The following PIGR variants were observed in gnomAD, a reference collection of about 807,000 sequenced individuals.
PIGR encodes polymeric immunoglobulin receptor, also known as hepatocellular carcinoma associated protein TB6.
Under a neutral mutation model 69.5 loss-of-function variants are expected in PIGR, and 22 were observed. That is an observed-to-expected ratio of 0.32 (90% CI 0.23 to 0.45). The LOEUF (loss-of-function observed/expected upper bound fraction) is 0.45, where lower values mean the gene tolerates loss of function less well. Among genes scored for constraint, PIGR ranks in the 20% least tolerant of loss-of-function variants. PIGR has a pLI of 1.00. For missense variants in PIGR, 885 were observed against 974.0 expected, an observed-to-expected ratio of 0.91 and a Z score of 1.22; for synonymous variants, 413 against 407.6, an observed-to-expected ratio of 1.01 and a Z score of -0.16.
At chr1:206,940,461 T>G (rs1489468881) in intron 2 of PIGR, 28 bp downstream of exon 2, 2 of 1,550,398 alleles carry the variant, frequency 1.3e-6, no homozygotes, top group South Asian at 2.4e-5. Flanking sequence ...GGGGTGGAGC[T>G]TGGAGAGTTG....
intron 1 of PIGR, among the ~76,000 whole-genome samples, chr1:206,944,039 G>A (rs1239575525): frequency 2.0e-5 from 3 of 152,184 alleles, no homozygotes; most frequent in African/African-American, 7.2e-5. Flanking sequence ...TAGGCCCTTA[G>A]CCACTCTGCT....
chr1:206,940,669 G>T, intron 1 of PIGR, 85 bp from the exon 2 acceptor site: 1 of 780,576 alleles, frequency 1.3e-6, no homozygotes, highest in Non-Finnish European at 2.0e-6. Context: ...CATCTATTTG[G>T]CTTTGTATCT....
chr1:206,945,385 C>T lies in PIGR; in HGVS notation c.-54+951G>A, dbSNP rs1392205320. ...AGGGATGGAGCTTGACCCGCTGCTG[C>T]CCTTGTGCCGGACGGTCCCACTGCT... On this transcript the variant is annotated intron_variant, in intron 1 of 10. Transcript: ENST00000356495. Among the ~76,000 whole-genome samples the T allele has an allele frequency of 2.6e-5, 4 of 152,300 alleles. No homozygotes were observed. The East Asian group carries it at 7.7e-4, about 29-fold the overall frequency.
chr1:206,932,068 C>T (rs1679764965), intron 8 of PIGR, among the ~76,000 whole-genome samples: 1 of 152,150 alleles, frequency 6.6e-6, no homozygotes, highest in South Asian at 2.1e-4. Context: ...ACATCAGCCC[C>T]GTGAGGTCCT....
rs867337599 is a variant in PIGR at position 206,931,536 on chromosome 1, C to G, written c.2160G>C (p.Glu720Asp). 2 of 1,614,090 alleles carry G rather than the reference C, an allele frequency of 1.2e-6. No homozygotes were observed. The highest frequency in any genetic ancestry group is 2.2e-5 in the East Asian group (1 of 44,878). ...GGKEEFVATTESTTETKEPKK... is the reference protein window; with the variant it reads ...GGKEEFVATTDSTTETKEPKK... ...TGGGTTCTTTGGTCTCTGTGGTGCT[C>G]TCAGTGGTGGCAACAAACTCTGTGT... Residue 720 changes from glutamate (E) to aspartate (D), a missense_variant, in exon 10 of 11, where the codon GAG becomes GAC. Coordinates refer to ENST00000356495, the MANE Select transcript of PIGR (RefSeq NM_002644.4).
At position 206,933,075 on chromosome 1, in the gene PIGR, A is replaced by G. The variant is rs764895900; in HGVS notation, c.1797T>C (p.Ile599=). Residue 599 remains isoleucine, a synonymous_variant, in exon 7 of 11, where the codon ATT becomes ATC. Transcript: ENST00000356495. ...SGFREIENKA[I]QDPRLFAEEK... is the part of the protein sequence containing the mutation. ...CCTCTGCAAAAAGCCTGGGATCCTG[A>G]ATGGCTTTGTTCTCAATCTCCCGAA... is the stretch of plus-strand genomic sequence containing the variant. 1.9e-6 allele frequency: 3 copies of G among 1,614,128 alleles called. No homozygotes were observed. In the Admixed American group the frequency reaches 5.0e-5, roughly 27 times the overall value.
At chr1:206,937,891 C>G (rs540238113) in intron 3 of PIGR, 140 bp from the exon 4 acceptor site, 5 of 721,538 alleles carry the variant, frequency 6.9e-6, no homozygotes, top group Non-Finnish European at 1.1e-5. Flanking sequence ...GGAATGCTGT[C>G]GGAAGGCCCA....
In PIGR at chr1:206,929,167, T is replaced by A. The variant is rs1289046381; in HGVS notation, c.*1151A>T. The A allele has an allele frequency of 1.3e-5, 2 of 151,368 alleles. No homozygotes were observed. Among genetic ancestry groups the A allele is most frequent in the African/African-American group, 4.9e-5 (2 of 41,126 alleles). The allele number at this position is 151,368 out of a possible 1,614,324, so 9.4% of individuals were successfully genotyped here. ...CTGAGGCATGAGAATAGCTTGAACC[T>A]GGAAGGCAGAGGTTTCAGTGAGCCG... On this transcript the variant is annotated 3_prime_UTR_variant, in exon 11 of 11. Transcript: ENST00000356495.
chr1:206,944,484 A>G (rs972021172), intron 1 of PIGR, among the ~76,000 whole-genome samples: 2 of 152,098 alleles, frequency 1.3e-5, no homozygotes, highest in African/African-American at 4.8e-5. Flanking sequence ...AAAAAATAAA[A>G]AATTAAAAAA....
intron 2 of PIGR, 87 bp from the exon 3 acceptor site, chr1:206,939,550 C>A: frequency 2.3e-6 from 2 of 855,224 alleles, no homozygotes; most frequent in Non-Finnish European, 1.9e-6. Flanking sequence ...ATGTGGTTTT[C>A]TACCTGACAC....
chr1:206,940,761 C>T (rs1484138738), intron 1 of PIGR, among the ~76,000 whole-genome samples, 177 bp from the exon 2 acceptor site: 1 of 152,232 alleles, frequency 6.6e-6, no homozygotes, highest in Non-Finnish European at 1.5e-5. Context: ...CATCCTTCAA[C>T]ACTTGTATAT....
At chr1:206,931,911 A>G in intron 8 of PIGR, 109 bp from the exon 9 acceptor site, 1 of 1,216,918 alleles carries the variant, frequency 8.2e-7, no homozygotes, top group Non-Finnish European at 1.2e-6. Flanking sequence ...AGGACAGCTG[A>G]GGTGGTGCAG....
In PIGR at chr1:206,940,488, C is replaced by G; in HGVS notation, c.43+1G>C. On this transcript the variant is annotated splice_donor_variant, in intron 2 of 10. Transcript: ENST00000356495. LOFTEE classifies it high-confidence loss of function. Reference sequence around the variant, plus strand: ...GGAGAGTTGGGGCCTGGCAGACACACCTGGGAAGACCGCCAGCAGGCAGGT... The same window carrying G: ...GGAGAGTTGGGGCCTGGCAGACACAGCTGGGAAGACCGCCAGCAGGCAGGT... 2 of 1,551,482 alleles carry G rather than the reference C, an allele frequency of 1.3e-6. No homozygotes were observed. Among genetic ancestry groups the G allele is most frequent in the Non-Finnish European group, 1.7e-6 (2 of 1,146,942 alleles).
intron 2 of PIGR, 108 bp from the exon 3 acceptor site, chr1:206,939,571 T>C (rs1289214026): frequency 3.0e-6 from 2 of 674,292 alleles, no homozygotes; most frequent in South Asian, 2.0e-5. Flanking sequence ...GTAGGCCCTG[T>C]GTTGATAATT....
At chr1:206,931,113 A>G (rs532923737) in intron 10 of PIGR, 1 of 985,374 alleles carries the variant, frequency 1.0e-6, no homozygotes, top group East Asian at 1.1e-4. Context: ...TCCTGAGCAA[A>G]CCCTCAAGGG....
Position 206,935,363 on chromosome 1 carries a change from G to A in PIGR, c.1378+123C>T. 4.0e-6 allele frequency: 3 copies of A among 757,818 alleles called. No individual in the cohort carries two copies. The highest frequency in any genetic ancestry group is 6.6e-6 in the Non-Finnish European group (3 of 451,176). 46.9% of individuals were successfully genotyped at this position (757,818 alleles called of 1,614,324 possible). On this transcript the variant is annotated intron_variant, in intron 5 of 10. Transcript: ENST00000356495. This position sits in a 1 kb window ranked among gnomAD's most constrained non-coding sequence, Gnocchi z 4.4. Reference sequence around the variant, plus strand: ...ATGAAAATGTGACCTCTGGATAGGTGGGCTCCCTCCTGAGGTCTGGCCCAT... The same window carrying A: ...ATGAAAATGTGACCTCTGGATAGGTAGGCTCCCTCCTGAGGTCTGGCCCAT...
rs142351595 is a variant in PIGR, at chr1:206,937,294, G to T, written c.846C>A (p.Val282=). 1 of 1,613,348 alleles carries T rather than the reference G, an allele frequency of 6.2e-7. No homozygotes were observed. The highest frequency in any genetic ancestry group is 8.5e-7 in the Non-Finnish European group (1 of 1,179,648). Residue 282 remains valine, a synonymous_variant, in exon 4 of 11, where the codon GTC becomes GTA. Transcript: ENST00000356495. ...RQSSGENCDV[V]VNTLGKRAPA... is the part of the protein sequence containing the mutation. ...GGGCCCTCTTCCCCAGGGTGTTGAC[G>T]ACCACGTCACAGTTTTCCCCACTGC... is the stretch of plus-strand genomic sequence containing the variant.
In PIGR at chr1:206,940,480, C is replaced by T. The variant is rs1351542496; in HGVS notation, c.43+9G>A. 1.9e-6 allele frequency: 3 copies of T among 1,551,252 alleles called. No homozygotes were observed. Among genetic ancestry groups the T allele is most frequent in the African/African-American group, 2.7e-5 (2 of 73,038 alleles). ...TGGAGCTTGGAGAGTTGGGGCCTGG[C>T]AGACACACCTGGGAAGACCGCCAGC... On this transcript the variant is annotated intron_variant, in intron 2 of 10. Transcript: ENST00000356495.
chr1:206,930,831 G>A lies in PIGR; in HGVS notation c.2200-418C>T, dbSNP rs1572640939. On this transcript the variant is annotated intron_variant, in intron 10 of 10. Transcript: ENST00000356495. The surrounding 1 kb of genome is among the most constrained non-coding windows in gnomAD (Gnocchi z 4.3). ...GGGAAGGCTGTCCCAGGAATAACTC[G>A]TTCTAACTTTGCTAAATGCCAGAGA... The A allele has an allele frequency of 4.1e-6, 4 of 985,364 alleles. No homozygotes were observed. Among genetic ancestry groups the A allele is most frequent in the Middle Eastern group, 5.2e-4 (1 of 1,914 alleles). 61.0% of individuals were successfully genotyped at this position (985,364 alleles called of 1,614,324 possible). A position where few individuals can be genotyped will look rare whatever the true frequency, so the allele number is the denominator to read the frequency against.
Sources: allele counts gnomAD v4.1 joint callset (sites outside exome capture counted in the v4.1 genomes callset), GRCh38; gene constraint gnomAD v4.1.1; non-coding constraint Gnocchi (gnomAD v3.1); transcripts MANE v1.5; gene names NCBI Gene and HGNC (gene_info 2026-07-23, HGNC 2026-07-21).